TNFAIP1: variants seen among roughly 807,000 people sequenced by gnomAD.
The protein encoded by TNFAIP1 is TNF alpha induced protein 1.
A neutral mutation model predicts 32.6 loss-of-function variants in TNFAIP1; 20 were observed. That is an observed-to-expected ratio of 0.61 (90% CI 0.43 to 0.89). The LOEUF (loss-of-function observed/expected upper bound fraction) is 0.89, where lower values mean the gene tolerates loss of function less well. TNFAIP1 is among the 40% of genes least tolerant of loss of function. The pLI is 0.00. For missense variants in TNFAIP1, 319 were observed against 425.1 expected, an observed-to-expected ratio of 0.75 and a Z score of 2.20; for synonymous variants, 166 against 166.8, an observed-to-expected ratio of 1.00 and a Z score of 0.04.
In TNFAIP1 at chr17:28,339,445, C is replaced by A; in HGVS notation, c.-77C>A. The stretch of plus-strand genomic sequence containing the variant: ...GAGGCTCTGGCCTCCACTGGCCACT[C>A]ACTCGTGACCCTTTCCACCACGGCG... On this transcript the variant is annotated 5_prime_UTR_variant, in exon 2 of 7. Coordinates refer to ENST00000226225, the MANE Select transcript of TNFAIP1 (RefSeq NM_021137.5). 7.1e-7 allele frequency: 1 copy of A among 1,407,098 alleles called. No individual in the cohort carries two copies. Among genetic ancestry groups the A allele is most frequent in the African/African-American group, 1.4e-5 (1 of 70,288 alleles). The allele number at this position is 1,407,098 out of a possible 1,614,324, so 87.2% of individuals were successfully genotyped here.
Position 28,341,523 on chromosome 17 carries a change from A to T in TNFAIP1, c.518+67A>T. ...CCCAAGGAGTACTGCCTGTACTCCC[A>T]GCACGGTCGGCGTGGGTCTGGGCCT... On this transcript the variant is annotated intron_variant, in intron 5 of 6. Coordinates refer to ENST00000226225, the MANE Select transcript of TNFAIP1 (RefSeq NM_021137.5). The T allele has an allele frequency of 1.9e-6, 3 of 1,565,902 alleles. No individual in the cohort carries two copies. In the South Asian group the frequency reaches 3.3e-5, roughly 17 times the overall value.
At chr17:28,343,913 C>T (rs1466621361) in intron 6 of TNFAIP1, among the ~76,000 whole-genome samples, 1 of 152,166 alleles carries the variant, frequency 6.6e-6, no homozygotes, top group Non-Finnish European at 1.5e-5. Context: ...TCTGTGTATG[C>T]CTCTGCTTGG....
chr17:28,344,319 C>T (rs782622666), intron 6 of TNFAIP1, 45 bp from the exon 7 acceptor site: 1 of 1,563,972 alleles, frequency 6.4e-7, no homozygotes, highest in Non-Finnish European at 8.8e-7. Context: ...ATGGCTTCCT[C>T]TTGAAGATGA....
At position 28,340,455 on chromosome 17, in the gene TNFAIP1, A is replaced by G; in HGVS notation, c.352A>G (p.Asn118Asp). ...AKYYLIQGLVNMCQSALQDKK... is the reference protein window; with the variant it reads ...AKYYLIQGLVDMCQSALQDKK... ...GTATTACCTCATCCAGGGGCTGGTG[A>G]ATATGTGCCAGAGTGCCCTGCAGGT... Residue 118 changes from asparagine to aspartate, a missense_variant, in exon 3 of 7, where the codon AAT (asparagine) becomes GAT (aspartate). Asn to Asp is a conservative substitution (Grantham distance 23, BLOSUM62 1). Coordinates refer to ENST00000226225, the MANE Select transcript of TNFAIP1 (RefSeq NM_021137.5). The surrounding 1 kb of genome is among the most constrained non-coding windows in gnomAD (Gnocchi z 4.1). 1 of 1,614,020 alleles carries G rather than the reference A, an allele frequency of 6.2e-7. No homozygotes were observed. Among genetic ancestry groups the G allele is most frequent in the African/African-American group, 1.3e-5 (1 of 75,022 alleles).
chr17:28,339,455 C>T lies in TNFAIP1; in HGVS notation c.-67C>T. Reference sequence around the variant, plus strand: ...CCTCCACTGGCCACTCACTCGTGACCCTTTCCACCACGGCGGAGCCTTCCA... The same window carrying T: ...CCTCCACTGGCCACTCACTCGTGACTCTTTCCACCACGGCGGAGCCTTCCA... On this transcript the variant is annotated 5_prime_UTR_variant, in exon 2 of 7. Coordinates refer to ENST00000226225, the MANE Select transcript of TNFAIP1 (RefSeq NM_021137.5). 6.8e-7 allele frequency: 1 copy of T among 1,474,806 alleles called. No homozygotes were observed. The highest frequency in any genetic ancestry group is 9.0e-7 in the Non-Finnish European group (1 of 1,106,082). The allele number at this position is 1,474,806 out of a possible 1,614,324, so 91.4% of individuals were successfully genotyped here.
At position 28,344,439 on chromosome 17, in the gene TNFAIP1, A is replaced by C; in HGVS notation, c.790A>C (p.Asn264His). 1.2e-6 allele frequency: 2 copies of C among 1,614,000 alleles called. No homozygotes were observed. The highest frequency in any genetic ancestry group is 1.7e-6 in the Non-Finnish European group (2 of 1,180,024). Residue 264 changes from asparagine to histidine, a missense_variant, in exon 7 of 7, where the codon AAC (asparagine) becomes CAC (histidine). Transcript: ENST00000226225. ...CTATGAGACTCCCCGCGTCCCCGAC[A>C]ACTCCTTGTTGGAGGCCACAAGCCG... Reference protein sequence around the residue: ...LLYETPRVPDNSLLEATSRSR... With the variant: ...LLYETPRVPDHSLLEATSRSR...
rs149766082 is a variant in TNFAIP1 at position 28,345,631 on chromosome 17, T to C, written c.*1031T>C. The C allele has an allele frequency of 1.3e-5, 2 of 152,384 alleles. No homozygotes were observed. The highest frequency in any genetic ancestry group is 3.9e-4 in the East Asian group (2 of 5,192). 9.4% of individuals were successfully genotyped at this position (152,384 alleles called of 1,614,324 possible). A position where few individuals can be genotyped will look rare whatever the true frequency, so the allele number is the denominator to read the frequency against. Reference sequence around the variant, plus strand: ...TGCATGGTGTTGGCTGGCATGCCCATCAGCTGAGGACAGCAAACTCCCAGC... The same window carrying C: ...TGCATGGTGTTGGCTGGCATGCCCACCAGCTGAGGACAGCAAACTCCCAGC... On this transcript the variant is annotated 3_prime_UTR_variant, in exon 7 of 7. Transcript: ENST00000226225.
In TNFAIP1 at chr17:28,339,393, C is replaced by G. The variant is rs782288469; in HGVS notation, c.-114-15C>G. 2.3e-6 allele frequency: 2 copies of G among 882,338 alleles called. No individual in the cohort carries two copies. The highest frequency in any genetic ancestry group is 3.3e-6 in the Non-Finnish European group (2 of 612,810). 54.7% of individuals were successfully genotyped at this position (882,338 alleles called of 1,614,324 possible). A position where few individuals can be genotyped will look rare whatever the true frequency, so the allele number is the denominator to read the frequency against. On this transcript the variant is annotated splice_polypyrimidine_tract_variant and intron_variant, in intron 1 of 6. Coordinates refer to ENST00000226225, the MANE Select transcript of TNFAIP1 (RefSeq NM_021137.5). ...TCAGCTGGTTCGTGTCTTCTCTTCC[C>G]TCTCCCATGTACAGCACTGAGATTA...
rs781960893 is a variant in TNFAIP1, at chr17:28,341,323, C to G, written c.462C>G (p.Thr154=). The change falls in exon 4 of 7, where the codon ACC becomes ACG. Residue 154 remains threonine (T), a synonymous_variant. Transcript: ENST00000226225. ...AGGAGCGGCTCATCGAATCCTCCAC[C>G]AAGGTACCAGGACCTCTGAGGGGTG... ...KEEERLIESS[T]KPVVKLLYNR... The G allele has an allele frequency of 6.3e-5, 101 of 1,614,110 alleles. No individual in the cohort carries two copies. Among genetic ancestry groups the G allele is most frequent in the Admixed American group, 1.0e-4 (6 of 60,014 alleles).
At chr17:28,344,270 G>T in intron 6 of TNFAIP1, 94 bp from the exon 7 acceptor site, 1 of 1,070,462 alleles carries the variant, frequency 9.3e-7, no homozygotes. Context: ...GAGAGGTAGC[G>T]GAGGCCTTAT....
At chr17:28,341,845 CCA>C (rs782759842) in intron 5 of TNFAIP1, among the ~76,000 whole-genome samples, 31 of 152,182 alleles carry the variant, frequency 2.0e-4, no homozygotes, top group Admixed American at 1.0e-3. Flanking sequence ...TCTCCATAGG[CCA>C]CAGTTAGGTA....
At chr17:28,335,975 T>C (rs1907129075) in intron 1 of TNFAIP1, 119 bp downstream of exon 1, 1 of 151,404 alleles carries the variant, frequency 6.6e-6, no homozygotes, top group African/African-American at 2.4e-5. Flanking sequence ...GATGGAGAGC[T>C]CCGATCTCCC....
rs1907417934 is a variant in TNFAIP1 at position 28,342,868 on chromosome 17, G to A, written c.714+426G>A. 6.6e-6 allele frequency among the ~76,000 whole-genome samples: 1 copy of A among 152,232 alleles called. No homozygotes were observed. Among genetic ancestry groups the A allele is most frequent in the Admixed American group, 6.5e-5 (1 of 15,288 alleles). On this transcript the variant is annotated intron_variant, in intron 6 of 6. Transcript: ENST00000226225. The surrounding 1 kb of genome is among the most constrained non-coding windows in gnomAD (Gnocchi z 4.0). ...GAAAATGATACAACTCTTTGGAGCAGCAGTGTGGTGTAGAAACAGCTTGGG... is the reference window on the plus strand; with the variant it reads ...GAAAATGATACAACTCTTTGGAGCAACAGTGTGGTGTAGAAACAGCTTGGG...
At chr17:28,339,914 A>G (rs1284067255) in intron 2 of TNFAIP1, among the ~76,000 whole-genome samples, 188 bp downstream of exon 2, 1 of 152,328 alleles carries the variant, frequency 6.6e-6, no homozygotes, top group East Asian at 1.9e-4. Context: ...TTTTCCAGGA[A>G]GAAGAGCCAT....
At chr17:28,341,064 C>G (rs1198137115) in intron 3 of TNFAIP1, among the ~76,000 whole-genome samples, 173 bp from the exon 4 acceptor site, 1 of 152,088 alleles carries the variant, frequency 6.6e-6, no homozygotes, top group Non-Finnish European at 1.5e-5. Flanking sequence ...GGTTTTCTAA[C>G]TGGGGGTCTG....
chr17:28,337,323 T>C (rs2142380887), intron 1 of TNFAIP1, among the ~76,000 whole-genome samples: 1 of 152,262 alleles, frequency 6.6e-6, no homozygotes, highest in South Asian at 2.1e-4. Flanking sequence ...ACGCCTGCCT[T>C]CCCTGACTTG....
intron 1 of TNFAIP1, among the ~76,000 whole-genome samples, chr17:28,336,083 T>G (rs1907137390): frequency 6.6e-6 from 1 of 152,114 alleles, no homozygotes; most frequent in Non-Finnish European, 1.5e-5. Context: ...CCAGGACTTT[T>G]TGGGTGACGC....
rs181687343 is a variant in TNFAIP1 at position 28,344,994 on chromosome 17, A to G, written c.*394A>G. On this transcript the variant is annotated 3_prime_UTR_variant, in exon 7 of 7. Transcript: ENST00000226225. ...TAGAGGCCCTGGTGCAGAAAGTGGGACGTCTTTTTTCCTAAGGTGTTTAAG... is the reference window on the plus strand; with the variant it reads ...TAGAGGCCCTGGTGCAGAAAGTGGGGCGTCTTTTTTCCTAAGGTGTTTAAG... 2.1e-4 allele frequency: 47 copies of G among 228,150 alleles called. No individual in the cohort carries two copies. The highest frequency in any genetic ancestry group is 4.0e-4 in the Admixed American group (8 of 20,016). 14.1% of individuals were successfully genotyped at this position (228,150 alleles called of 1,614,324 possible).
In TNFAIP1 at chr17:28,340,855, G is replaced by A. The variant is rs1907337831; in HGVS notation, c.375+377G>A. On this transcript the variant is annotated intron_variant, in intron 3 of 6. Transcript: ENST00000226225. The surrounding 1 kb of genome is among the most constrained non-coding windows in gnomAD (Gnocchi z 4.1). Reference sequence around the variant, plus strand: ...TGCCTCCTGGGTTCAAGTGATTCTCGTGATTTGGCCTTCAGAGTAGCTGGG... The same window carrying A: ...TGCCTCCTGGGTTCAAGTGATTCTCATGATTTGGCCTTCAGAGTAGCTGGG... 6.6e-6 allele frequency among the ~76,000 whole-genome samples: 1 copy of A among 152,050 alleles called. No homozygotes were observed. The highest frequency in any genetic ancestry group is 2.1e-4 in the South Asian group (1 of 4,828).
Sources: gnomAD v4.1 joint callset for allele counts (sites outside exome capture counted in the v4.1 genomes callset) on GRCh38, gnomAD v4.1.1 for gene constraint, Gnocchi (gnomAD v3.1) non-coding constraint, MANE v1.5 for transcripts, NCBI Gene and HGNC (gene_info 2026-07-23, HGNC 2026-07-21) for gene names.